Variants in EXOC4 observed in about 807,000 individuals in gnomAD.
The protein encoded by EXOC4 is SEC8-like 1.
In EXOC4, 71 loss-of-function variants were observed where a neutral mutation model predicts 107.2. The observed-to-expected ratio is 0.66, with a 90% CI of 0.55 to 0.81. The LOEUF is 0.81. Ranked by LOEUF, EXOC4 falls within the 30% of genes least tolerant of loss-of-function variation. The pLI is 0.00. For missense variants in EXOC4, 1,108 were observed against 1,189.6 expected (o/e 0.93, Z 1.01); for synonymous variants, 456 against 441.2 (o/e 1.03, Z -0.42).
At chr7:133,661,308 C>T (rs1803434935) in intron 10 of EXOC4, among the ~76,000 whole-genome samples, 1 of 152,058 alleles carries the variant, frequency 6.6e-6, no homozygotes, top group African/African-American at 2.4e-5. Context: ...CACAATTAAC[C>T]ATATACACAT....
intron 14 of EXOC4, among the ~76,000 whole-genome samples, chr7:133,988,418 A>G (rs1321463816): frequency 6.6e-6 from 1 of 152,102 alleles, no homozygotes; most frequent in Non-Finnish European, 1.5e-5. Context: ...TCTTTGTCAT[A>G]TTGCATTGGT....
chr7:133,996,442 A>G (rs528067484), intron 14 of EXOC4, among the ~76,000 whole-genome samples: 30 of 152,322 alleles, frequency 2.0e-4, no homozygotes, highest in Admixed American at 1.8e-3. Context: ...TGGGGATACA[A>G]TAGAAGTTTA....
At chr7:133,624,125 T>C (rs772468657) in intron 9 of EXOC4, among the ~76,000 whole-genome samples, 1 of 152,206 alleles carries the variant, frequency 6.6e-6, no homozygotes, top group Non-Finnish European at 1.5e-5. Flanking sequence ...TCACTGTGGT[T>C]CTTTTCTACG....
In EXOC4 at chr7:133,306,000, C is replaced by G; in HGVS notation, c.595C>G (p.His199Asp). The G allele has an allele frequency of 6.2e-7, 1 of 1,613,820 alleles. No individual in the cohort carries two copies. The highest frequency in any genetic ancestry group is 8.5e-7 in the Non-Finnish European group (1 of 1,179,878). Residue 199 changes from histidine to aspartate, a missense_variant, in exon 4 of 18, where the codon CAC becomes GAC. His to Asp is a moderately conservative substitution (Grantham distance 81). Transcript: ENST00000253861. ...GGTTCTCATAGATGAACTACACCGGCACCTGTACATCAAATCGACTAGCCG... is the reference window on the plus strand; with the variant it reads ...GGTTCTCATAGATGAACTACACCGGGACCTGTACATCAAATCGACTAGCCG... The part of the protein sequence containing the change: ...HLVLIDELHR[H>D]LYIKSTSRVV...
intron 10 of EXOC4, among the ~76,000 whole-genome samples, chr7:133,658,415 A>G (rs2151042958): frequency 6.6e-6 from 1 of 152,252 alleles, no homozygotes; most frequent in South Asian, 2.1e-4. Context: ...CCCTGTGCCC[A>G]AATAAGGAGG....
intron 6 of EXOC4, among the ~76,000 whole-genome samples, chr7:133,372,265 C>T (rs966805398): frequency 2.6e-5 from 4 of 152,124 alleles, no homozygotes; most frequent in African/African-American, 9.7e-5. Context: ...CGTTGTGCTT[C>T]GGTAAGGCGG....
At chr7:133,925,889 A>C (rs1435167389) in intron 13 of EXOC4, among the ~76,000 whole-genome samples, 2 of 152,018 alleles carry the variant, frequency 1.3e-5, no homozygotes, top group Non-Finnish European at 2.9e-5. Flanking sequence ...AGAAAAAAAA[A>C]TTAGCTGGGC....
chr7:133,357,052 T>A (rs1345044808), intron 6 of EXOC4, among the ~76,000 whole-genome samples: 1 of 152,222 alleles, frequency 6.6e-6, no homozygotes, highest in East Asian at 1.9e-4. Context: ...ATAATTCAGC[T>A]GTCTGTTTTT....
intron 11 of EXOC4, among the ~76,000 whole-genome samples, chr7:133,866,287 A>G (rs1243600476): frequency 4.6e-5 from 7 of 152,258 alleles, no homozygotes; most frequent in African/African-American, 1.4e-4. Context: ...TTCTGTCCCT[A>G]CTACACACTG....
At chr7:133,949,259 A>T (rs2116782447) in intron 14 of EXOC4, among the ~76,000 whole-genome samples, 1 of 152,316 alleles carries the variant, frequency 6.6e-6, no homozygotes, top group East Asian at 1.9e-4. Context: ...TTTCCTTCAT[A>T]TGGGTACAGA....
chr7:133,596,381 T>C (rs1773412843), intron 9 of EXOC4, among the ~76,000 whole-genome samples: 1 of 152,248 alleles, frequency 6.6e-6, no homozygotes, highest in Non-Finnish European at 1.5e-5. Flanking sequence ...TTGTTCATAT[T>C]TGCAAAATGA....
intron 11 of EXOC4, among the ~76,000 whole-genome samples, chr7:133,856,575 T>A (rs1371649970): frequency 5.3e-5 from 8 of 152,226 alleles, no homozygotes; most frequent in Non-Finnish European, 7.3e-5. Flanking sequence ...GTTGAATGAA[T>A]AAATGTGTGA....
intron 5 of EXOC4, among the ~76,000 whole-genome samples, chr7:133,327,388 C>A (rs1479122332): frequency 6.6e-6 from 1 of 152,178 alleles, no homozygotes; most frequent in Admixed American, 6.5e-5. Flanking sequence ...AAAACCAGCT[C>A]CTGGATTCAT....
chr7:133,590,127 A>T (rs897761725), intron 9 of EXOC4, among the ~76,000 whole-genome samples: 12 of 152,042 alleles, frequency 7.9e-5, no homozygotes, highest in Admixed American at 5.9e-4. Context: ...CGAATTTCCG[A>T]TGTCTCCACT....
At chr7:133,705,515 C>G (rs1794750007) in intron 10 of EXOC4, among the ~76,000 whole-genome samples, 1 of 152,138 alleles carries the variant, frequency 6.6e-6, no homozygotes, top group Non-Finnish European at 1.5e-5. Context: ...CACAATTTTG[C>G]TATCTGTGAC....
intron 5 of EXOC4, among the ~76,000 whole-genome samples, chr7:133,329,307 T>G (rs974439556): frequency 6.6e-6 from 1 of 152,214 alleles, no homozygotes; most frequent in African/African-American, 2.4e-5. Context: ...GTTCTTCTAG[T>G]TAGCCATTTG....
chr7:133,255,191 T>TTTTC (rs1554425301), intron 1 of EXOC4, among the ~76,000 whole-genome samples: 19,741 of 151,596 alleles, frequency 0.13, 2,693 homozygotes, highest in African/African-American at 0.34. Context: ...CTTTTCTTTT[T>TTTTC]TTTTGAGACA....
intron 6 of EXOC4, among the ~76,000 whole-genome samples, chr7:133,370,500 A>G (rs988580528): frequency 6.6e-6 from 1 of 152,158 alleles, no homozygotes; most frequent in East Asian, 1.9e-4. Context: ...GCAATCAGAT[A>G]CAAATTAATC....
intron 9 of EXOC4, among the ~76,000 whole-genome samples, chr7:133,609,134 T>C (rs970389416): frequency 6.6e-6 from 1 of 152,176 alleles, no homozygotes; most frequent in African/African-American, 2.4e-5. Context: ...CACAAATCCA[T>C]CAATTGGGAT....
Sources: allele counts gnomAD v4.1 joint callset (sites outside exome capture counted in the v4.1 genomes callset), GRCh38; gene constraint gnomAD v4.1.1; transcripts MANE v1.5; gene names NCBI Gene and HGNC (gene_info 2026-07-23, HGNC 2026-07-21).